The following PRAG1 variants were observed in gnomAD, a reference collection of about 807,000 sequenced individuals.
PRAG1 encodes PEAK1 related, kinase-activating pseudokinase 1, also known as inactive tyrosine-protein kinase PRAG1.
Under a neutral mutation model 95.6 loss-of-function variants are expected in PRAG1, and 110 were observed. The ratio of observed to expected loss-of-function variants is 1.15; its 90% confidence interval spans 0.99 to 1.35. The LOEUF is 1.35. Among genes scored for constraint, PRAG1 ranks in the 40% most tolerant of loss-of-function variants. The pLI is 0.00. For synonymous variants in PRAG1, 1,052 were observed against 819.4 expected (o/e 1.28, Z -4.85); for missense variants, 2,554 against 1,864.7 (o/e 1.37, Z -6.81).
chr8:8,339,492 G>T lies in PRAG1; in HGVS notation c.2306C>A (p.Thr769Asn), dbSNP rs751010053. ...STDSLASDSR[T>N]CSDGGPSSEL... ...AAGTTTGTTACCTCCATCGCTGCAG[G>T]TCCTAGAGTCTGAGGCCAGGCTGTC... Residue 769 changes from threonine (T) to asparagine (N), a missense_variant, in exon 4 of 6, where the codon ACC becomes AAC. Physicochemically the swap from Thr to Asn is moderately conservative, Grantham distance 65. Transcript: ENST00000615670. The T allele has an allele frequency of 4.3e-6, 7 of 1,614,000 alleles. No homozygotes were observed. The highest frequency in any genetic ancestry group is 2.7e-5 in the African/African-American group (2 of 74,912).
Position 8,376,688 on chromosome 8 carries a change from C to A in PRAG1, c.1721G>T (p.Ser574Ile). Residue 574 changes from serine (S) to isoleucine (I), a missense_variant, in exon 3 of 6, where the codon AGT becomes ATT. Transcript: ENST00000615670. Reference sequence around the variant, plus strand: ...GCTGCTGCCGCCAGAGCTCCCATCACTAAGGTCAGCCAGCGGTGACACTGG... The same window carrying A: ...GCTGCTGCCGCCAGAGCTCCCATCAATAAGGTCAGCCAGCGGTGACACTGG... Reference protein sequence around the residue: ...GPPVSPLADLSDGSSGGSSIG... With the variant: ...GPPVSPLADLIDGSSGGSSIG... 6.2e-7 allele frequency: 1 copy of A among 1,611,798 alleles called. No individual in the cohort carries two copies. The highest frequency in any genetic ancestry group is 8.5e-7 in the Non-Finnish European group (1 of 1,179,918).
intron 3 of PRAG1, among the ~76,000 whole-genome samples, chr8:8,372,141 T>A (rs17150709): frequency 0.013 from 2,026 of 152,304 alleles, 40 homozygotes; most frequent in African/African-American, 0.044. Context: ...CGGGTTTGCA[T>A]CTGTGAAAAA....
chr8:8,328,268 G>C lies in PRAG1; in HGVS notation c.2514C>G (p.Pro838=). The part of the protein sequence containing the change: ...PDGFFWTQGS[P]KPGTASPKLN... ...GCTTGGGGCTTGCTGTTCCGGGCTTGGGGGAGCCTTGGGTCCAGAAGAAGC... is the reference window on the plus strand; with the variant it reads ...GCTTGGGGCTTGCTGTTCCGGGCTTCGGGGAGCCTTGGGTCCAGAAGAAGC... The change falls in exon 5 of 6, where the codon CCC becomes CCG. Residue 838 remains proline, a synonymous_variant. Coordinates refer to ENST00000615670, the MANE Select transcript of PRAG1 (RefSeq NM_001080826.3). 1 of 1,614,172 alleles carries C rather than the reference G, an allele frequency of 6.2e-7. No individual in the cohort carries two copies. The highest frequency in any genetic ancestry group is 2.2e-5 in the East Asian group (1 of 44,880).
chr8:8,339,475 T>A lies in PRAG1; in HGVS notation c.2320+3A>T. On this transcript the variant is annotated splice_donor_region_variant and intron_variant, in intron 4 of 5. Transcript: ENST00000615670. ...GCCTCTCCGTCAATGTCAAGTTTGTTACCTCCATCGCTGCAGGTCCTAGAG... is the reference window on the plus strand; with the variant it reads ...GCCTCTCCGTCAATGTCAAGTTTGTAACCTCCATCGCTGCAGGTCCTAGAG... 6.2e-7 allele frequency: 1 copy of A among 1,613,578 alleles called. No individual in the cohort carries two copies. Among genetic ancestry groups the A allele is most frequent in the Non-Finnish European group, 8.5e-7 (1 of 1,179,664 alleles).
intron 3 of PRAG1, among the ~76,000 whole-genome samples, chr8:8,350,709 G>A (rs887869387): frequency 5.9e-5 from 9 of 152,192 alleles, no homozygotes; most frequent in African/African-American, 1.7e-4. Flanking sequence ...CTGGGTTCGG[G>A]TCCTGACTCA....
At chr8:8,378,129 A>G in intron 2 of PRAG1, 51 bp from the exon 3 acceptor site, 1 of 1,500,666 alleles carries the variant, frequency 6.7e-7, no homozygotes, top group Non-Finnish European at 8.8e-7. Flanking sequence ...TGTCATAGAA[A>G]AAAGAGAGAG....
intron 2 of PRAG1, among the ~76,000 whole-genome samples, chr8:8,379,577 G>A (rs1197327839): frequency 8.5e-5 from 13 of 152,198 alleles, no homozygotes; most frequent in Non-Finnish European, 1.5e-5. Context: ...TCTCCTCAAT[G>A]AAGACTCCCC....
intron 2 of PRAG1, among the ~76,000 whole-genome samples, chr8:8,379,142 G>T (rs908290097): frequency 6.6e-6 from 1 of 151,854 alleles, no homozygotes; most frequent in South Asian, 2.1e-4. Flanking sequence ...GCTGGATCAG[G>T]GTGAGGGGTG....
chr8:8,377,078 T>G lies in PRAG1; in HGVS notation c.1331A>C (p.Gln444Pro). The change falls in exon 3 of 6, where the codon CAG becomes CCG. Residue 444 changes from glutamine to proline, a missense_variant. By Grantham distance (76) the Gln-to-Pro change is moderately conservative. Coordinates refer to ENST00000615670, the MANE Select transcript of PRAG1 (RefSeq NM_001080826.3). ...EHAAAAQGQG[Q>P]VCTGNAWAQK... ...GGCCCAGGCATTACCTGTGCATACCTGGCCTTGGCCCTGGGCAGCAGCTGC... is the reference window on the plus strand; with the variant it reads ...GGCCCAGGCATTACCTGTGCATACCGGGCCTTGGCCCTGGGCAGCAGCTGC... The G allele has an allele frequency of 1.2e-6, 2 of 1,613,934 alleles. No homozygotes were observed. The highest frequency in any genetic ancestry group is 2.2e-5 in the South Asian group (2 of 91,088).
chr8:8,377,189 G>T lies in PRAG1; in HGVS notation c.1220C>A (p.Thr407Lys). ...PQPPAHPREATQPEPIYAEST... is the reference protein window; with the variant it reads ...PQPPAHPREAKQPEPIYAEST... ...CTCAGCATAGATGGGTTCAGGCTGT[G>T]TAGCCTCCCGGGGGTGGGCCGGGGG... Residue 407 changes from threonine to lysine, a missense_variant, in exon 3 of 6, where the codon ACA (threonine) becomes AAA (lysine). Transcript: ENST00000615670. 6 of 1,611,756 alleles carry T rather than the reference G, an allele frequency of 3.7e-6. No individual in the cohort carries two copies. Among genetic ancestry groups the T allele is most frequent in the Non-Finnish European group, 5.1e-6 (6 of 1,179,760 alleles).
intron 5 of PRAG1, among the ~76,000 whole-genome samples, chr8:8,324,406 C>G (rs111649061): frequency 6.6e-6 from 1 of 152,222 alleles, no homozygotes; most frequent in African/African-American, 2.4e-5. Context: ...TTTGGCAAGA[C>G]CCGCAGCTTC....
intron 4 of PRAG1, among the ~76,000 whole-genome samples, chr8:8,331,733 C>CA (rs200509706): frequency 6.6e-6 from 1 of 152,074 alleles, no homozygotes; most frequent in Admixed American, 6.5e-5. Context: ...GGTCCCAGCA[C>CA]AAAAAACCCT....
intron 5 of PRAG1, among the ~76,000 whole-genome samples, chr8:8,327,415 C>T (rs1359789213): frequency 1.3e-5 from 2 of 152,130 alleles, no homozygotes; most frequent in Non-Finnish European, 2.9e-5. Flanking sequence ...ACTAAAAATA[C>T]AAAAATTAGC....
Position 8,377,581 on chromosome 8 carries a change from C to T in PRAG1, c.828G>A (p.Arg276=), listed in dbSNP as rs747291620. 18 of 1,611,734 alleles carry T rather than the reference C, an allele frequency of 1.1e-5. No individual in the cohort carries two copies. The highest frequency in any genetic ancestry group is 2.2e-5 in the South Asian group (2 of 90,894). Residue 276 remains arginine, a synonymous_variant, in exon 3 of 6, where the codon CGG becomes CGA. Transcript: ENST00000615670. ...AGCAGTCCCTGCCACCATGCCTGCC[C>T]CGGGAACCTGCAGTCTGGGAGGCAG... is the stretch of plus-strand genomic sequence containing the variant. ...AKAASQTAGS[R]GRHGGRDCSP... is the part of the protein sequence containing the mutation.
At chr8:8,351,908 G>C (rs974879555) in intron 3 of PRAG1, among the ~76,000 whole-genome samples, 1 of 152,100 alleles carries the variant, frequency 6.6e-6, no homozygotes, top group Non-Finnish European at 1.5e-5. Context: ...AAACACTAGT[G>C]AGTTGTTACC....
At chr8:8,324,713 G>C (rs927051507) in intron 5 of PRAG1, among the ~76,000 whole-genome samples, 1 of 152,188 alleles carries the variant, frequency 6.6e-6, no homozygotes, top group African/African-American at 2.4e-5. Context: ...TTTGGAGTCA[G>C]GGCCTCATTC....
At chr8:8,348,001 C>A (rs1353518947) in intron 3 of PRAG1, among the ~76,000 whole-genome samples, 2 of 152,256 alleles carry the variant, frequency 1.3e-5, no homozygotes, top group South Asian at 4.1e-4. Context: ...ACTACAACCT[C>A]TGCCTCCCCG....
chr8:8,345,618 C>T (rs963935984), intron 3 of PRAG1, among the ~76,000 whole-genome samples: 5 of 151,914 alleles, frequency 3.3e-5, no homozygotes, highest in Non-Finnish European at 5.9e-5. Flanking sequence ...TGGTGAAACC[C>T]CACCTCCACT....
intron 1 of PRAG1, among the ~76,000 whole-genome samples, chr8:8,382,879 A>G (rs973334142): frequency 4.4e-4 from 67 of 152,206 alleles, no homozygotes; most frequent in African/African-American, 1.6e-3. Flanking sequence ...TGCCCATTCT[A>G]GAAACAGAAG....
Sources: gnomAD v4.1 joint callset for allele counts (sites outside exome capture counted in the v4.1 genomes callset) on GRCh38, gnomAD v4.1.1 for gene constraint, MANE v1.5 for transcripts, NCBI Gene and HGNC (gene_info 2026-07-23, HGNC 2026-07-21) for gene names.